Variants in BANP observed in about 807,000 individuals in gnomAD.
The protein encoded by BANP is protein BANP.
A neutral mutation model predicts 68.1 loss-of-function variants in BANP; 11 were observed. That is an observed-to-expected ratio of 0.16 (90% CI 0.10 to 0.27). The LOEUF is 0.27. Ranked by LOEUF, BANP falls within the 10% of genes least tolerant of loss-of-function variation. BANP has a pLI of 1.00. For missense variants in BANP, 504 were observed against 722.7 expected (o/e 0.70, Z 3.47); for synonymous variants, 329 against 303.2 (o/e 1.09, Z -0.88).
At chr16:87,993,714 C>T (rs2066470161) in intron 4 of BANP, among the ~76,000 whole-genome samples, 1 of 152,048 alleles carries the variant, frequency 6.6e-6, no homozygotes, top group African/African-American at 2.4e-5. Flanking sequence ...TCTTCTACCT[C>T]AACCTCCCAA....
rs569290745 is a variant in BANP, at chr16:88,058,198, A to C, written c.1312-7069A>C. On this transcript the variant is annotated intron_variant, in intron 11 of 13. Transcript: ENST00000682872. ...TGCTAAAGTGTGTTGAGGTGCCTGAAAGAGAAGCTTTTGTTTTTTGACTCA... is the reference window on the plus strand; with the variant it reads ...TGCTAAAGTGTGTTGAGGTGCCTGACAGAGAAGCTTTTGTTTTTTGACTCA... 3.2e-4 allele frequency among the ~76,000 whole-genome samples: 49 copies of C among 152,270 alleles called. 1 individual carries two copies. The highest frequency in any genetic ancestry group is 3.0e-3 in the Admixed American group (46 of 15,292).
At chr16:87,990,994 C>G (rs2065765442) in intron 4 of BANP, among the ~76,000 whole-genome samples, 1 of 152,208 alleles carries the variant, frequency 6.6e-6, no homozygotes, top group Non-Finnish European at 1.5e-5. Context: ...GATCTCCTGA[C>G]CTCATGATCT....
chr16:87,995,767 T>A (rs2067013700), intron 4 of BANP, among the ~76,000 whole-genome samples: 1 of 151,826 alleles, frequency 6.6e-6, no homozygotes. Flanking sequence ...TGAATGGGAG[T>A]GGTCGGTGAT....
chr16:88,024,563 G>T (rs2076616332), intron 7 of BANP, among the ~76,000 whole-genome samples: 1 of 152,252 alleles, frequency 6.6e-6, no homozygotes, highest in East Asian at 1.9e-4. Flanking sequence ...CCTGAGGGCT[G>T]CCCAGACGTG....
intron 6 of BANP, among the ~76,000 whole-genome samples, chr16:88,016,081 G>A (rs1435049479): frequency 6.6e-6 from 1 of 152,220 alleles, no homozygotes; most frequent in African/African-American, 2.4e-5. Flanking sequence ...CCTTGCCCAG[G>A]CCCCAAGGCA....
At chr16:88,074,481 G>A (rs890235489) in intron 13 of BANP, among the ~76,000 whole-genome samples, 38 of 152,230 alleles carry the variant, frequency 2.5e-4, no homozygotes, top group African/African-American at 8.7e-4. Flanking sequence ...ATGCGCGGTG[G>A]CCTGTGGGTG....
intron 4 of BANP, among the ~76,000 whole-genome samples, chr16:87,987,318 A>T (rs1224830338): frequency 6.6e-6 from 1 of 152,206 alleles, no homozygotes; most frequent in South Asian, 2.1e-4. Flanking sequence ...ACCTTAGGTG[A>T]TCTGCCTGCC....
At chr16:87,974,710 G>A (rs1369367875) in intron 1 of BANP, among the ~76,000 whole-genome samples, 2 of 152,158 alleles carry the variant, frequency 1.3e-5, no homozygotes, top group African/African-American at 4.8e-5. Flanking sequence ...GCTGTAGTCA[G>A]TCAGGCCCCA....
At chr16:88,014,966 T>A (rs2074122398) in intron 6 of BANP, among the ~76,000 whole-genome samples, 1 of 152,036 alleles carries the variant, frequency 6.6e-6, no homozygotes, top group South Asian at 2.1e-4. Flanking sequence ...ATTCCTGGAT[T>A]ACTGAGCAGC....
Position 88,069,325 on chromosome 16 carries a change from C to T in BANP, c.1378-2744C>T, listed in dbSNP as rs1432983049. On this transcript the variant is annotated intron_variant, in intron 12 of 13. Coordinates refer to ENST00000682872, the MANE Select transcript of BANP (RefSeq NM_001386991.1). ...CTTTTTCTTTTTTCTTTTCCACTGA[C>T]AAATTCATTGTTAAAAAAATATAAG... Among the ~76,000 whole-genome samples, 3 of 152,182 alleles carry T rather than the reference C, an allele frequency of 2.0e-5. No homozygotes were observed. The East Asian group carries it at 5.8e-4, about 29-fold the overall frequency.
chr16:88,071,937 C>A lies in BANP; in HGVS notation c.1378-132C>A. On this transcript the variant is annotated intron_variant, in intron 12 of 13. Coordinates refer to ENST00000682872, the MANE Select transcript of BANP (RefSeq NM_001386991.1). The surrounding 1 kb of genome is among the most constrained non-coding windows in gnomAD (Gnocchi z 6.5). ...TGTGCCGCAGAGTCCTCGGTGTGGC[C>A]CTGAGGCCGTGTCCCTGCCGCTCAG... is the stretch of plus-strand genomic sequence containing the variant. The A allele has an allele frequency of 8.2e-7, 1 of 1,214,978 alleles. No homozygotes were observed. Among genetic ancestry groups the A allele is most frequent in the Non-Finnish European group, 1.2e-6 (1 of 857,042 alleles). The allele number at this position is 1,214,978 out of a possible 1,614,324, so 75.3% of individuals were successfully genotyped here.
chr16:88,071,946 G>T lies in BANP; in HGVS notation c.1378-123G>T, dbSNP rs766525453. The T allele has an allele frequency of 2.3e-6, 3 of 1,314,640 alleles. No individual in the cohort carries two copies. Among genetic ancestry groups the T allele is most frequent in the Non-Finnish European group, 3.2e-6 (3 of 948,598 alleles). 81.4% of individuals were successfully genotyped at this position (1,314,640 alleles called of 1,614,324 possible). On this transcript the variant is annotated intron_variant, in intron 12 of 13. Coordinates refer to ENST00000682872, the MANE Select transcript of BANP (RefSeq NM_001386991.1). This position sits in a 1 kb window ranked among gnomAD's most constrained non-coding sequence, Gnocchi z 6.5. Reference sequence around the variant, plus strand: ...GAGTCCTCGGTGTGGCCCTGAGGCCGTGTCCCTGCCGCTCAGGGGACAGCA... The same window carrying T: ...GAGTCCTCGGTGTGGCCCTGAGGCCTTGTCCCTGCCGCTCAGGGGACAGCA...
chr16:88,021,952 C>CT lies in BANP; in HGVS notation c.895+3286dup, dbSNP rs1350889436. Among the ~76,000 whole-genome samples, 3 of 152,224 alleles carry CT rather than the reference C, an allele frequency of 2.0e-5. No individual in the cohort carries two copies. The East Asian group carries it at 5.8e-4, about 29-fold the overall frequency. On this transcript the variant is annotated intron_variant, in intron 7 of 13. Transcript: ENST00000682872. ...TTGAAACACACAGTAGGTAAAGTCT[C>CT]TAAGTACCACCTTCTCAAAATGAGG...
rs904302605 is a variant in BANP at position 88,064,229 on chromosome 16, G to C, written c.1312-1038G>C. On this transcript the variant is annotated intron_variant, in intron 11 of 13. Coordinates refer to ENST00000682872, the MANE Select transcript of BANP (RefSeq NM_001386991.1). This position sits in a 1 kb window ranked among gnomAD's most constrained non-coding sequence, Gnocchi z 4.5. Reference sequence around the variant, plus strand: ...AGCAGGGGGGGAGAGTGGACAGCGAGGCGGTGGATGTTGAGGCAGTTGTGC... The same window carrying C: ...AGCAGGGGGGGAGAGTGGACAGCGACGCGGTGGATGTTGAGGCAGTTGTGC... Among the ~76,000 whole-genome samples the C allele has an allele frequency of 1.3e-5, 2 of 152,152 alleles. No individual in the cohort carries two copies. The highest frequency in any genetic ancestry group is 2.9e-5 in the Non-Finnish European group (2 of 68,012).
rs1180803541 is a variant in BANP at position 88,057,572 on chromosome 16, A to C, written c.1312-7695A>C. 6.6e-6 allele frequency among the ~76,000 whole-genome samples: 1 copy of C among 152,032 alleles called. No individual in the cohort carries two copies. Among genetic ancestry groups the C allele is most frequent in the South Asian group, 2.1e-4 (1 of 4,824 alleles). ...CTGTTTAGGCCCCGGCTTTTCCCTC[A>C]TGCAAAATGCAGGCACTCTGACTGG... On this transcript the variant is annotated intron_variant, in intron 11 of 13. Coordinates refer to ENST00000682872, the MANE Select transcript of BANP (RefSeq NM_001386991.1). This position sits in a 1 kb window ranked among gnomAD's most constrained non-coding sequence, Gnocchi z 4.6.
chr16:87,969,988 A>G (rs1346993649), intron 1 of BANP: 1 of 145,090 alleles, frequency 6.9e-6, no homozygotes, highest in Admixed American at 6.9e-5. Context: ...GTTCACTGCA[A>G]CCTCCGCCTC....
At chr16:88,061,906 G>A (rs927886443) in intron 11 of BANP, among the ~76,000 whole-genome samples, 5 of 151,958 alleles carry the variant, frequency 3.3e-5, no homozygotes, top group Non-Finnish European at 5.9e-5. Flanking sequence ...TGACCAGCCC[G>A]CCTCGGCCTC....
At chr16:87,971,952 C>A (rs111918458) in intron 1 of BANP, among the ~76,000 whole-genome samples, 128 of 152,116 alleles carry the variant, frequency 8.4e-4, no homozygotes, top group Non-Finnish European at 6.5e-4. Flanking sequence ...GCCACTGTAC[C>A]CAGTTAATTT....
At chr16:87,990,629 T>C (rs2065665176) in intron 4 of BANP, among the ~76,000 whole-genome samples, 1 of 152,246 alleles carries the variant, frequency 6.6e-6, no homozygotes, top group African/African-American at 2.4e-5. Flanking sequence ...TGGTTTGGTC[T>C]CACCTAAGAT....
Sources: allele counts gnomAD v4.1 joint callset (sites outside exome capture counted in the v4.1 genomes callset), GRCh38; gene constraint gnomAD v4.1.1; non-coding constraint Gnocchi (gnomAD v3.1); transcripts MANE v1.5; gene names NCBI Gene and HGNC (gene_info 2026-07-23, HGNC 2026-07-21).